The following FRMPD3 variants were observed in gnomAD, a reference collection of about 807,000 sequenced individuals.
FRMPD3 encodes FERM and PDZ domain containing 3, also known as FERM and PDZ domain-containing protein 3.
A neutral mutation model predicts 97.9 loss-of-function variants in FRMPD3; 42 were observed. The observed-to-expected ratio is 0.43, with a 90% CI of 0.34 to 0.55. FRMPD3 has a LOEUF of 0.55. Ranked by LOEUF, FRMPD3 falls within the 20% of genes least tolerant of loss-of-function variation. FRMPD3 has a pLI of 0.03. For synonymous variants in FRMPD3, 577 were observed against 581.1 expected (o/e 0.99, Z 0.10); for missense variants, 1,303 against 1,457.7 (o/e 0.89, Z 1.73).
At chrX:107,508,532 G>T (rs979934837) in intron 1 of FRMPD3, among the ~76,000 whole-genome samples, 16 of 111,905 alleles carry the variant, frequency 1.4e-4, no homozygotes, top group Non-Finnish European at 3.0e-4. Flanking sequence ...AAGGAACTGA[G>T]GCTCAAGAGG....
chrX:107,458,462 G>A (rs1056572383), intron 1 of FRMPD3, among the ~76,000 whole-genome samples: 5 of 111,809 alleles, frequency 4.5e-5, no homozygotes, highest in African/African-American at 1.3e-4. Context: ...TTGAACCTGC[G>A]TTATGTTTTG....
chrX:107,482,953 C>T (rs957053650), intron 1 of FRMPD3, among the ~76,000 whole-genome samples: 3 of 112,156 alleles, frequency 2.7e-5, no homozygotes, highest in African/African-American at 9.7e-5. Flanking sequence ...AAAGGCATCA[C>T]TACCTCAACC....
intron 5 of FRMPD3, among the ~76,000 whole-genome samples, chrX:107,546,122 A>C (rs1008544293): frequency 6.3e-5 from 7 of 111,972 alleles, no homozygotes; most frequent in African/African-American, 2.3e-4. Context: ...ACTCAAAGCA[A>C]GTGCTCCATA....
chrX:107,562,218 A>G (rs1922400909), intron 10 of FRMPD3, among the ~76,000 whole-genome samples: 1 of 112,555 alleles, frequency 8.9e-6, no homozygotes, highest in Non-Finnish European at 1.9e-5. Context: ...AGCCTAAGCA[A>G]GTACAGAAAA....
In FRMPD3 at chrX:107,505,294, G is replaced by A. The variant is rs1569413131; in HGVS notation, c.-7-21288G>A. Among the ~76,000 whole-genome samples the A allele has an allele frequency of 2.7e-5, 3 of 112,023 alleles. No individual in the cohort carries two copies. In the South Asian group the frequency reaches 1.1e-3, roughly 42 times the overall value. On this transcript the variant is annotated intron_variant, in intron 1 of 14. Transcript: ENST00000683843. ...AACAAGAAAACTGAAGTCCCCAAAGGATACATGACTCATCCAGGGTCACAC... is the reference window on the plus strand; with the variant it reads ...AACAAGAAAACTGAAGTCCCCAAAGAATACATGACTCATCCAGGGTCACAC...
chrX:107,531,801 C>A (rs1922981165), intron 3 of FRMPD3, among the ~76,000 whole-genome samples: 2 of 111,763 alleles, frequency 1.8e-5, no homozygotes, highest in Admixed American at 9.5e-5. Flanking sequence ...TCAGCCTGGT[C>A]CCTCAGAAGT....
intron 6 of FRMPD3, among the ~76,000 whole-genome samples, chrX:107,551,336 CAGAACT>C (rs770415645): frequency 3.4e-4 from 38 of 111,497 alleles, no homozygotes; most frequent in Non-Finnish European, 6.6e-4. Context: ...GGCATTGAAA[CAGAACT>C]AGACCACCCA....
At chrX:107,485,990 G>T (rs1431199433) in intron 1 of FRMPD3, among the ~76,000 whole-genome samples, 4 of 112,176 alleles carry the variant, frequency 3.6e-5, no homozygotes, top group East Asian at 2.8e-4. Context: ...TTCTCTGGCC[G>T]CGACTAAACT....
At chrX:107,498,241 G>A (rs918548258) in intron 1 of FRMPD3, among the ~76,000 whole-genome samples, 13 of 112,327 alleles carry the variant, frequency 1.2e-4, no homozygotes, top group Non-Finnish European at 2.3e-4. Context: ...AATTCAGATC[G>A]CCTGAAGGAA....
chrX:107,475,970 G>A (rs931702519), intron 1 of FRMPD3, among the ~76,000 whole-genome samples: 1 of 112,201 alleles, frequency 8.9e-6, no homozygotes, highest in East Asian at 2.8e-4. Flanking sequence ...TGTAACCTCC[G>A]CCTCCTGGGT....
At chrX:107,581,044 C>T (rs1923358401) in intron 13 of FRMPD3, among the ~76,000 whole-genome samples, 1 of 111,611 alleles carries the variant, frequency 9.0e-6, no homozygotes, top group African/African-American at 3.3e-5. Flanking sequence ...AGGAATTTGA[C>T]AGGATTGTGT....
intron 1 of FRMPD3, 32 bp from the exon 2 acceptor site, chrX:107,526,550 C>T: frequency 8.6e-7 from 1 of 1,168,259 alleles, no homozygotes; most frequent in Non-Finnish European, 1.1e-6. Context: ...CCCTGTGCAT[C>T]TTGTTTTGCT....
In FRMPD3 at chrX:107,455,282, T is replaced by C. The variant is rs192436862; in HGVS notation, c.-8+5277T>C. Reference sequence around the variant, plus strand: ...TCTAAAATACATTTGGGGCTGGGTGTGGTGGCTCAGGCCTGTAATCCTAAC... The same window carrying C: ...TCTAAAATACATTTGGGGCTGGGTGCGGTGGCTCAGGCCTGTAATCCTAAC... On this transcript the variant is annotated intron_variant, in intron 1 of 14. Coordinates refer to ENST00000683843, the MANE Select transcript of FRMPD3 (RefSeq NM_001388459.1). Among the ~76,000 whole-genome samples, 434 of 112,222 alleles carry C rather than the reference T, an allele frequency of 3.9e-3. 4 individuals are homozygous for C. Among genetic ancestry groups the C allele is most frequent in the African/African-American group, 0.013 (402 of 30,891 alleles).
intron 1 of FRMPD3, among the ~76,000 whole-genome samples, chrX:107,515,467 A>G (rs932288786): frequency 9.0e-6 from 1 of 111,169 alleles, no homozygotes; most frequent in African/African-American, 3.3e-5. Flanking sequence ...AACAAGAGCA[A>G]CTCTGCAGAG....
At chrX:107,482,019 G>A (rs150580637) in intron 1 of FRMPD3, among the ~76,000 whole-genome samples, 2 of 111,776 alleles carry the variant, frequency 1.8e-5, no homozygotes, top group African/African-American at 3.3e-5. Flanking sequence ...GAGCCCCCAA[G>A]TCCCAGTCCA....
chrX:107,524,559 A>G (rs111515805), intron 1 of FRMPD3, among the ~76,000 whole-genome samples: 4 of 112,371 alleles, frequency 3.6e-5, no homozygotes, highest in African/African-American at 1.3e-4. Flanking sequence ...CTTTTATACA[A>G]TTATTCTAAA....
chrX:107,541,013 G>A (rs1264604865), intron 4 of FRMPD3, among the ~76,000 whole-genome samples: 1 of 112,791 alleles, frequency 8.9e-6, no homozygotes, highest in Non-Finnish European at 1.9e-5. Flanking sequence ...GGCCATATGT[G>A]GTAGCACAAA....
chrX:107,463,169 G>A (rs1052924036), intron 1 of FRMPD3, among the ~76,000 whole-genome samples: 2 of 112,330 alleles, frequency 1.8e-5, no homozygotes, highest in African/African-American at 6.5e-5. Context: ...GTGTTCCCCA[G>A]CTATTTCCCA....
rs1178392446 is a variant in FRMPD3 at position 107,480,891 on chromosome X, GGAAGGAAAGAAAGAAA to G, written c.-8+30890_-8+30905del. On this transcript the variant is annotated intron_variant, in intron 1 of 14. Transcript: ENST00000683843. Reference sequence around the variant, plus strand: ...AGAAAGGAAGGAAGGAAGGAAGGAAGGAAGGAAAGAAAGAAAGAAAGAAAGAAAGAAAGAAAGAAAG... The same window carrying G: ...AGAAAGGAAGGAAGGAAGGAAGGAAGGAAAGAAAGAAAGAAAGAAAGAAAG... Among the ~76,000 whole-genome samples the G allele has an allele frequency of 8.9e-3, 608 of 68,007 alleles. 2 individuals carry two copies. The highest frequency in any genetic ancestry group is 0.031 in the East Asian group (62 of 2,021). 59.1% of individuals were successfully genotyped at this position (68,007 alleles called of 115,157 possible).
Sources: allele counts gnomAD v4.1 joint callset (sites outside exome capture counted in the v4.1 genomes callset), GRCh38; gene constraint gnomAD v4.1.1; transcripts MANE v1.5; gene names NCBI Gene and HGNC (gene_info 2026-07-23, HGNC 2026-07-21).